The following UBXN7 variants were observed in gnomAD, a reference collection of about 807,000 sequenced individuals.
The protein encoded by UBXN7 is UBX domain-containing protein 7.
A neutral mutation model predicts 58.0 loss-of-function variants in UBXN7; 9 were observed. The observed-to-expected ratio is 0.16, with a 90% CI of 0.09 to 0.27. The LOEUF is 0.27. Ranked by LOEUF, UBXN7 falls within the 10% of genes least tolerant of loss-of-function variation. UBXN7 has a pLI of 1.00. For synonymous variants in UBXN7, 208 were observed against 205.0 expected, an observed-to-expected ratio of 1.01 and a Z score of -0.12; for missense variants, 328 against 599.6, an observed-to-expected ratio of 0.55 and a Z score of 4.73.
intron 5 of UBXN7, among the ~76,000 whole-genome samples, chr3:196,385,553 T>G (rs1323424473): frequency 1.3e-5 from 2 of 151,302 alleles, no homozygotes; most frequent in Non-Finnish European, 2.9e-5. Flanking sequence ...ATCTGAGATG[T>G]GAAGAGCGCC....
chr3:196,432,172 A>AC, intron 1 of UBXN7, 155 bp downstream of exon 1: 1 of 1,024,016 alleles, frequency 9.8e-7, no homozygotes, highest in Non-Finnish European at 1.5e-6. Flanking sequence ...GAACCCGGAG[A>AC]CCCCGACGCC....
chr3:196,395,611 T>G (rs535452404), intron 3 of UBXN7, among the ~76,000 whole-genome samples: 4 of 151,782 alleles, frequency 2.6e-5, no homozygotes, highest in South Asian at 4.2e-4. Flanking sequence ...TGTTCAGTTT[T>G]TTTGTTTGTT....
Position 196,432,403 on chromosome 3 carries a change from A to ACCGCCGC in UBXN7, c.-11_-5dup. ...CGGAGCCCCCGTGGGCAGCCATCTT[A>ACCGCCGC]CCGCCGCCGCCGCCGCCGAACAACA... On this transcript the variant is annotated 5_prime_UTR_variant, in exon 1 of 11. Coordinates refer to ENST00000296328, the MANE Select transcript of UBXN7 (RefSeq NM_015562.2). The ACCGCCGC allele has an allele frequency of 5.7e-6, 9 of 1,586,384 alleles. No individual in the cohort carries two copies. The highest frequency in any genetic ancestry group is 7.7e-6 in the Non-Finnish European group (9 of 1,162,698).
chr3:196,357,740 A>C (rs1728389962), intron 10 of UBXN7, among the ~76,000 whole-genome samples: 1 of 152,054 alleles, frequency 6.6e-6, no homozygotes, highest in Non-Finnish European at 1.5e-5. Flanking sequence ...CGCACCTGTA[A>C]TCCCAACTAC....
At chr3:196,388,343 C>T (rs1553851627) in intron 5 of UBXN7, among the ~76,000 whole-genome samples, 1 of 150,956 alleles carries the variant, frequency 6.6e-6, no homozygotes, top group Non-Finnish European at 1.5e-5. Context: ...GGAGAAATAC[C>T]TAATGTAAAT....
At position 196,401,274 on chromosome 3, in the gene UBXN7, A is replaced by C. The variant is rs370537825; in HGVS notation, c.289+1678T>G. Among the ~76,000 whole-genome samples the C allele has an allele frequency of 3.8e-4, 14 of 36,880 alleles. No individual in the cohort carries two copies. The South Asian group carries it at 9.1e-3, about 24-fold the overall frequency. The allele number at this position is 36,880 out of a possible 152,430, so 24.2% of individuals were successfully genotyped here. On this transcript the variant is annotated intron_variant, in intron 3 of 10. Transcript: ENST00000296328. ...AAAAAAAAAAAAAAAAAAAAAAAAA[A>C]ATATATATATATATATATATATATA...
intron 4 of UBXN7, among the ~76,000 whole-genome samples, chr3:196,392,527 G>A (rs1346431791): frequency 6.8e-6 from 1 of 147,692 alleles, no homozygotes; most frequent in Non-Finnish European, 1.5e-5. Flanking sequence ...AATTAGCCAG[G>A]TGTAGTGGCG....
intron 10 of UBXN7, 79 bp downstream of exon 10, chr3:196,361,765 T>C (rs1261828457): frequency 1.5e-5 from 18 of 1,211,442 alleles, no homozygotes; most frequent in Non-Finnish European, 1.9e-5. Flanking sequence ...ATAACTTTTA[T>C]ATGCACCAGG....
At chr3:196,376,953 G>A (rs1729047556) in intron 5 of UBXN7, among the ~76,000 whole-genome samples, 1 of 151,716 alleles carries the variant, frequency 6.6e-6, no homozygotes, top group South Asian at 2.1e-4. Flanking sequence ...GACTAAGTTG[G>A]GCAGATCACT....
intron 1 of UBXN7, among the ~76,000 whole-genome samples, chr3:196,431,140 T>C (rs1731031717): frequency 1.3e-5 from 2 of 152,168 alleles, no homozygotes; most frequent in African/African-American, 4.8e-5. Flanking sequence ...CTTAACCAGA[T>C]ATTGCACGTT....
intron 6 of UBXN7, among the ~76,000 whole-genome samples, chr3:196,370,965 G>A (rs1445616379): frequency 1.3e-5 from 2 of 152,070 alleles, no homozygotes; most frequent in Admixed American, 1.3e-4. Flanking sequence ...GGAGGTCAAG[G>A]CTGAGCCATG....
chr3:196,374,155 C>T lies in UBXN7; in HGVS notation c.469-2113G>A, dbSNP rs111948454. On this transcript the variant is annotated intron_variant, in intron 5 of 10. Transcript: ENST00000296328. ...CATACGTTCTAGAGATAGACTAGAGCGCACATATTCCTACAGCAGGGTAAA... is the reference window on the plus strand; with the variant it reads ...CATACGTTCTAGAGATAGACTAGAGTGCACATATTCCTACAGCAGGGTAAA... Among the ~76,000 whole-genome samples the T allele has an allele frequency of 1.7e-3, 255 of 152,128 alleles. 2 individuals are homozygous for T. The highest frequency in any genetic ancestry group is 0.01 in the Middle Eastern group (3 of 294).
intron 1 of UBXN7, among the ~76,000 whole-genome samples, chr3:196,425,714 C>A (rs1055379023): frequency 1.3e-5 from 2 of 152,164 alleles, no homozygotes; most frequent in African/African-American, 4.8e-5. Flanking sequence ...ATTATCAATT[C>A]CCTAAACCGA....
rs1274676614 is a variant in UBXN7, at chr3:196,350,298, G to T, written c.*6387C>A. 6.6e-6 allele frequency: 1 copy of T among 152,176 alleles called. No homozygotes were observed. The highest frequency in any genetic ancestry group is 2.4e-5 in the African/African-American group (1 of 41,454). The allele number at this position is 152,176 out of a possible 1,614,324, so 9.4% of individuals were successfully genotyped here. On this transcript the variant is annotated 3_prime_UTR_variant, in exon 11 of 11. Transcript: ENST00000296328. ...ATCTGCAATTTTAAGCAACACAACA[G>T]CAACTGGTAGGCCACAAAGAGGGTG... is the stretch of plus-strand genomic sequence containing the variant.
At chr3:196,389,566 TG>T (rs1349047061) in intron 5 of UBXN7, among the ~76,000 whole-genome samples, 2 of 152,168 alleles carry the variant, frequency 1.3e-5, no homozygotes, top group Non-Finnish European at 2.9e-5. Context: ...GTTTGGGTCA[TG>T]GGGGCAGACC....
chr3:196,367,406 G>A (rs892190698), intron 8 of UBXN7, among the ~76,000 whole-genome samples: 1 of 152,026 alleles, frequency 6.6e-6, no homozygotes, highest in Non-Finnish European at 1.5e-5. Context: ...AGAGAGCCAG[G>A]CCCTAAAGCT....
intron 1 of UBXN7, chr3:196,432,044 C>A (rs1342725707): frequency 1.8e-6 from 1 of 564,122 alleles, no homozygotes; most frequent in Admixed American, 2.9e-5. Context: ...CCGGCGGGGG[C>A]GGACGGACTC....
At chr3:196,383,180 C>T (rs1729268543) in intron 5 of UBXN7, among the ~76,000 whole-genome samples, 1 of 151,250 alleles carries the variant, frequency 6.6e-6, no homozygotes, top group Non-Finnish European at 1.5e-5. Context: ...ATAAAACAGA[C>T]TTTAAACCAA....
intron 5 of UBXN7, among the ~76,000 whole-genome samples, chr3:196,376,807 A>T (rs1729042573): frequency 6.6e-6 from 1 of 151,914 alleles, no homozygotes; most frequent in Admixed American, 6.6e-5. Flanking sequence ...GAACTCTGGG[A>T]GGCCAAGGCT....
Sources: allele counts gnomAD v4.1 joint callset (sites outside exome capture counted in the v4.1 genomes callset), GRCh38; gene constraint gnomAD v4.1.1; transcripts MANE v1.5; gene names NCBI Gene and HGNC (gene_info 2026-07-23, HGNC 2026-07-21).